WDR77: variants seen among roughly 807,000 people sequenced by gnomAD.
The protein encoded by WDR77 is WD repeat domain 77.
WDR77 carries 31 observed loss-of-function variants against 44.0 expected under a neutral mutation model. That is an observed-to-expected ratio of 0.70 (90% CI 0.53 to 0.95). The LOEUF (loss-of-function observed/expected upper bound fraction) is 0.95, where lower values mean the gene tolerates loss of function less well. Among genes scored for constraint, WDR77 ranks in the 40% least tolerant of loss-of-function variants. The probability of loss-of-function intolerance (pLI) is 0.00; values close to 1 mark genes in which losing one functional copy is unlikely to be tolerated. For missense variants in WDR77, 390 were observed against 423.9 expected, an observed-to-expected ratio of 0.92 and a Z score of 0.70; for synonymous variants, 186 against 165.7, an observed-to-expected ratio of 1.12 and a Z score of -0.94.
intron 6 of WDR77, 160 bp from the exon 7 acceptor site, chr1:111,443,554 C>A (rs1359025346): frequency 4.8e-6 from 4 of 834,210 alleles, no homozygotes; most frequent in Admixed American, 6.2e-5. Flanking sequence ...CCATTTATCC[C>A]AGCAGCCTCC....
rs1016454376 is a variant in WDR77, at chr1:111,447,235, C to G, written c.444-91G>C. On this transcript the variant is annotated intron_variant, in intron 3 of 9. Transcript: ENST00000235090. ...ACAAGAACTTCCTGTAATCAACATTCCCCAAGTCTTTGCCTCTTGGACTGC... is the reference window on the plus strand; with the variant it reads ...ACAAGAACTTCCTGTAATCAACATTGCCCAAGTCTTTGCCTCTTGGACTGC... 51 of 1,539,724 alleles carry G rather than the reference C, an allele frequency of 3.3e-5. No individual in the cohort carries two copies. The African/African-American group carries it at 6.4e-4, about 19-fold the overall frequency.
At chr1:111,441,907 G>T in intron 9 of WDR77, 118 bp downstream of exon 9, 3 of 1,027,658 alleles carry the variant, frequency 2.9e-6, no homozygotes, top group Non-Finnish European at 4.4e-6. Context: ...AAGTCCCTTC[G>T]GATACAGATG....
chr1:111,446,568 A>C (rs763782524), intron 4 of WDR77, among the ~76,000 whole-genome samples: 6 of 152,188 alleles, frequency 3.9e-5, no homozygotes, highest in Non-Finnish European at 8.8e-5. Context: ...CTAATAAAAG[A>C]CCAAAAGAGC....
intron 7 of WDR77, 136 bp from the exon 8 acceptor site, chr1:111,442,897 T>A: frequency 1.8e-6 from 1 of 559,788 alleles, no homozygotes; most frequent in Non-Finnish European, 3.1e-6. Flanking sequence ...GTAGGAATAA[T>A]AAGTCACTGG....
chr1:111,448,491 A>C (rs1653148602), intron 2 of WDR77, 128 bp downstream of exon 2: 1 of 1,106,356 alleles, frequency 9.0e-7, no homozygotes, highest in Non-Finnish European at 1.3e-6. Context: ...ATTCGGGGCC[A>C]ACACTCTCAG....
intron 6 of WDR77, chr1:111,443,613 A>T: frequency 1.0e-6 from 1 of 977,636 alleles, no homozygotes; most frequent in Non-Finnish European, 1.2e-6. Flanking sequence ...ACGAATCATG[A>T]CGATAACAAT....
chr1:111,448,416 T>C (rs900624487), intron 2 of WDR77, among the ~76,000 whole-genome samples: 1 of 152,234 alleles, frequency 6.6e-6, no homozygotes, highest in Admixed American at 6.5e-5. Flanking sequence ...CGGATTTTTC[T>C]AGGAAATCTC....
intron 7 of WDR77, 150 bp from the exon 8 acceptor site, chr1:111,442,911 A>T (rs534491814): frequency 2.9e-5 from 16 of 547,218 alleles, no homozygotes; most frequent in South Asian, 1.3e-4. Context: ...TCACTGGATC[A>T]TTGTGAAAAT....
Position 111,441,314 on chromosome 1 carries a change from TGTG to T in WDR77, c.942_944del (p.Thr315del). 6.3e-7 allele frequency: 1 copy of T among 1,586,954 alleles called. No individual in the cohort carries two copies. Among genetic ancestry groups the T allele is most frequent in the Non-Finnish European group, 8.6e-7 (1 of 1,164,442 alleles). ...GGACGACCTGATGGTCCCAGCCCAC[TGTG>T]GTAAGCAGGGAGTGATTGAGCGGGG... On this transcript the variant is annotated inframe_deletion, in exon 10 of 10. Transcript: ENST00000235090.
At position 111,447,428 on chromosome 1, in the gene WDR77, G is replaced by C. The variant is rs1440947878; in HGVS notation, c.443+7C>G. On this transcript the variant is annotated splice_region_variant and intron_variant, in intron 3 of 9. Coordinates refer to ENST00000235090, the MANE Select transcript of WDR77 (RefSeq NM_024102.4). ...TAGAGACAGGAGCAATGAGAACAGG[G>C]ACCCACCAGATGTCTTTGCTACCAC... 1 of 1,614,044 alleles carries C rather than the reference G, an allele frequency of 6.2e-7. No individual in the cohort carries two copies. Among genetic ancestry groups the C allele is most frequent in the Non-Finnish European group, 8.5e-7 (1 of 1,179,970 alleles).
chr1:111,443,402 G>T lies in WDR77; in HGVS notation c.620-8C>A. On this transcript the variant is annotated splice_region_variant and splice_polypyrimidine_tract_variant and intron_variant, in intron 6 of 9. Transcript: ENST00000235090. ...AGCCAGGCGCACTGCAGCCTGCAAAGGAGAGACGAGGGTCTGGACCAAAAC... is the reference window on the plus strand; with the variant it reads ...AGCCAGGCGCACTGCAGCCTGCAAATGAGAGACGAGGGTCTGGACCAAAAC... 1 of 1,552,000 alleles carries T rather than the reference G, an allele frequency of 6.4e-7. No individual in the cohort carries two copies.
chr1:111,442,612 C>T (rs1162694754), intron 8 of WDR77, 41 bp downstream of exon 8: 1 of 1,395,506 alleles, frequency 7.2e-7, no homozygotes, highest in Admixed American at 2.4e-5. Context: ...CTCACGGTTC[C>T]CATTTATACC....
At chr1:111,446,638 T>C (rs1653044144) in intron 4 of WDR77, among the ~76,000 whole-genome samples, 2 of 152,076 alleles carry the variant, frequency 1.3e-5, no homozygotes. Context: ...TGAAAGTGAA[T>C]ACGGGCATAG....
chr1:111,446,989 G>A (rs1296626738), intron 4 of WDR77, 106 bp downstream of exon 4: 27 of 1,166,696 alleles, frequency 2.3e-5, no homozygotes, highest in Non-Finnish European at 3.4e-5. Flanking sequence ...TGTTTTACAA[G>A]AAAACTATCA....
Position 111,448,714 on chromosome 1 carries a change from T to C in WDR77, c.206A>G (p.Asn69Ser), listed in dbSNP as rs758057307. The stretch of plus-strand genomic sequence containing the variant: ...GACTCCGGCGGAGCAGAAGCCTTCG[T>C]TGGGGGCGGCACAGGGGTCCTTAAA... ...WLFKDPCAAP[N>S]EGFCSAGVQT... The change falls in exon 2 of 10, where the codon AAC becomes AGC. Residue 69 changes from asparagine (N) to serine (S), a missense_variant. Transcript: ENST00000235090. The C allele has an allele frequency of 3.7e-6, 6 of 1,614,140 alleles. No individual in the cohort carries two copies. The highest frequency in any genetic ancestry group is 5.1e-6 in the Non-Finnish European group (6 of 1,180,000).
chr1:111,443,490 T>C (rs1215012395), intron 6 of WDR77, 96 bp from the exon 7 acceptor site: 2 of 1,365,950 alleles, frequency 1.5e-6, no homozygotes, highest in Non-Finnish European at 2.0e-6. Flanking sequence ...GCACCTTTAT[T>C]TGATTTCCCA....
chr1:111,443,611 T>G (rs926636845), intron 6 of WDR77: 26 of 977,026 alleles, frequency 2.7e-5, no homozygotes, highest in African/African-American at 3.5e-5. Flanking sequence ...GCACGAATCA[T>G]GACGATAACA....
Position 111,440,892 on chromosome 1 carries a change from T to C in WDR77, c.*338A>G, listed in dbSNP as rs1218792476. On this transcript the variant is annotated 3_prime_UTR_variant, in exon 10 of 10. Transcript: ENST00000235090. ...GGCCAATTCCTCATAGACAGCTACA[T>C]AAAACCCTTTCGTCAACTTGTTTTG... The C allele has an allele frequency of 6.0e-6, 1 of 167,376 alleles. No individual in the cohort carries two copies. Among genetic ancestry groups the C allele is most frequent in the Non-Finnish European group, 1.3e-5 (1 of 78,476 alleles). The allele number at this position is 167,376 out of a possible 1,614,324, so 10.4% of individuals were successfully genotyped here. A position where few individuals can be genotyped will look rare whatever the true frequency, so the allele number is the denominator to read the frequency against.
chr1:111,447,524 C>T lies in WDR77; in HGVS notation c.354G>A (p.Lys118=), dbSNP rs1249696433. 6.2e-7 allele frequency: 1 copy of T among 1,614,196 alleles called. No homozygotes were observed. The change falls in exon 3 of 10, where the codon AAG becomes AAA. Residue 118 remains lysine (K), a synonymous_variant. Transcript: ENST00000235090. ...LDENETLIVS[K]FCKYEHDDIV... ...TGTCATCATGCTCATACTTGCAGAA[C>T]TTGCTGACAATAAGTGTCTCATTCT...
Sources: allele counts gnomAD v4.1 joint callset (sites outside exome capture counted in the v4.1 genomes callset), GRCh38; gene constraint gnomAD v4.1.1; transcripts MANE v1.5; gene names NCBI Gene and HGNC (gene_info 2026-07-23, HGNC 2026-07-21).